CAGE1: variants seen among roughly 807,000 people sequenced by gnomAD.
CAGE1 encodes the protein cancer-associated gene 1 protein.
Under a neutral mutation model 94.9 loss-of-function variants are expected in CAGE1, and 66 were observed. The observed-to-expected ratio is 0.70, with a 90% CI of 0.57 to 0.85. The LOEUF is 0.85. CAGE1 is among the 40% of genes least tolerant of loss of function. The probability of loss-of-function intolerance (pLI) is 0.00; values close to 1 mark genes in which losing one functional copy is unlikely to be tolerated. For synonymous variants in CAGE1, 319 were observed against 321.0 expected, an observed-to-expected ratio of 0.99 and a Z score of 0.07; for missense variants, 865 against 950.4, an observed-to-expected ratio of 0.91 and a Z score of 1.18.
intron 9 of CAGE1, among the ~76,000 whole-genome samples, chr6:7,358,027 G>GATATATATATATATATATAT (rs55850429): frequency 5.6e-4 from 27 of 48,066 alleles, no homozygotes; most frequent in Non-Finnish European, 7.8e-4. Context: ...TAAGTTTTGA[G>GATATATATATATATATATAT]ATATATATAT....
rs1333908374 is a variant in CAGE1, at chr6:7,328,932, ATATT to A, written c.2478+913_2478+916del. ...TGTGTGTGTGTGTATATATATATAT[ATATT>A]TTTTTTTTTTTTTGAGATAGAGTCT... On this transcript the variant is annotated intron_variant, in intron 13 of 13. Transcript: ENST00000502583. Among the ~76,000 whole-genome samples, 646 of 103,582 alleles carry A rather than the reference ATATT, an allele frequency of 6.2e-3. 26 individuals are homozygous for A. Among genetic ancestry groups the A allele is most frequent in the African/African-American group, 0.021 (610 of 28,868 alleles). 68.0% of individuals were successfully genotyped at this position (103,582 alleles called of 152,430 possible). A position where few individuals can be genotyped will look rare whatever the true frequency, so the allele number is the denominator to read the frequency against.
At chr6:7,355,712 T>G (rs1391346622) in intron 10 of CAGE1, among the ~76,000 whole-genome samples, 2 of 152,228 alleles carry the variant, frequency 1.3e-5, no homozygotes, top group Non-Finnish European at 2.9e-5. Flanking sequence ...GTAAGGCAGT[T>G]TGTACCAGGC....
At chr6:7,329,967 T>C in intron 12 of CAGE1, 79 bp from the exon 13 acceptor site, 1 of 641,626 alleles carries the variant, frequency 1.6e-6, no homozygotes, top group Non-Finnish European at 2.9e-6. Context: ...CAAGTTGCCA[T>C]TATTTAGCAT....
chr6:7,337,671 T>C (rs1336010791), intron 11 of CAGE1, among the ~76,000 whole-genome samples: 1 of 152,248 alleles, frequency 6.6e-6, no homozygotes, highest in African/African-American at 2.4e-5. Context: ...CTTGTCCATA[T>C]ATGCATGGGT....
rs34744890 is a variant in CAGE1, at chr6:7,373,201, C to T, written c.1618G>A (p.Val540Ile). Residue 540 changes from valine (V) to isoleucine (I), a missense_variant, in exon 5 of 14, where the codon GTA becomes ATA. By Grantham distance (29) the Val-to-Ile change is conservative. Coordinates refer to ENST00000502583, the MANE Select transcript of CAGE1 (RefSeq NM_001170692.2). ...TTAAGTTTTGCATTCTCATTTTTTACTTCGTTGATTTGCTGCTGAAGTTTT... is the reference window on the plus strand; with the variant it reads ...TTAAGTTTTGCATTCTCATTTTTTATTTCGTTGATTTGCTGCTGAAGTTTT... ...NIKLQQQINE[V>I]KNENAKLKQQ... 1 of 1,613,224 alleles carries T rather than the reference C, an allele frequency of 6.2e-7. No individual in the cohort carries two copies. The highest frequency in any genetic ancestry group is 8.5e-7 in the Non-Finnish European group (1 of 1,179,578).
At chr6:7,382,145 G>A (rs1271342483) in intron 3 of CAGE1, among the ~76,000 whole-genome samples, 2 of 151,416 alleles carry the variant, frequency 1.3e-5, no homozygotes, top group African/African-American at 4.8e-5. Flanking sequence ...GCCATTATGT[G>A]CCTTTTTCTA....
intron 12 of CAGE1, chr6:7,331,605 G>C (rs1758756663): frequency 3.2e-6 from 1 of 310,474 alleles, no homozygotes. Context: ...CTCCAGGTCT[G>C]TATGCAACTC....
Position 7,368,779 on chromosome 6 carries a change from G to A in CAGE1, c.1913C>T (p.Ala638Val). 1 of 1,546,708 alleles carries A rather than the reference G, an allele frequency of 6.5e-7. No homozygotes were observed. The highest frequency in any genetic ancestry group is 1.4e-5 in the African/African-American group (1 of 73,186). The change falls in exon 7 of 14, where the codon GCT (alanine) becomes GTT (valine). Residue 638 changes from alanine to valine, a missense_variant. Transcript: ENST00000502583. ...CTTCTCACTCTCTTTGAAATGTTCAGCATCAGAATTGATGATGTCCTAAGG... is the reference window on the plus strand; with the variant it reads ...CTTCTCACTCTCTTTGAAATGTTCAACATCAGAATTGATGATGTCCTAAGG... ...LTCQDIINSD[A>V]EHFKESEKVS...
At chr6:7,342,517 G>A (rs890349186) in intron 11 of CAGE1, among the ~76,000 whole-genome samples, 1 of 152,122 alleles carries the variant, frequency 6.6e-6, no homozygotes, top group African/African-American at 2.4e-5. Context: ...CATACTCCGG[G>A]TATCTGTAGT....
chr6:7,385,814 G>A lies in CAGE1; in HGVS notation c.254C>T (p.Ala85Val), dbSNP rs1490524019. Residue 85 changes from alanine (A) to valine (V), a missense_variant, in exon 3 of 14, where the codon GCT becomes GTT. Transcript: ENST00000502583. ...TAACAAATTGTCTAGTGTGCCATAA[G>A]CATCTTCACAAAGTGTGGATTCATA... is the stretch of plus-strand genomic sequence containing the variant. ...NEYESTLCED[A>V]YGTLDNLLND... 1.3e-6 allele frequency: 2 copies of A among 1,543,952 alleles called. No homozygotes were observed. Among genetic ancestry groups the A allele is most frequent in the African/African-American group, 1.4e-5 (1 of 72,764 alleles).
At chr6:7,356,172 A>G in intron 9 of CAGE1, 43 bp from the exon 10 acceptor site, 1 of 1,079,226 alleles carries the variant, frequency 9.3e-7, no homozygotes, top group Non-Finnish European at 1.4e-6. Flanking sequence ...GGAACCTGCC[A>G]GGAAAGCTAT....
intron 11 of CAGE1, among the ~76,000 whole-genome samples, chr6:7,334,489 G>A (rs907844403): frequency 1.6e-4 from 24 of 152,134 alleles, no homozygotes; most frequent in Admixed American, 2.6e-4. Context: ...AGCACTTTGG[G>A]AGGCTGAGGC....
At chr6:7,371,102 G>T (rs1242760168) in intron 5 of CAGE1, among the ~76,000 whole-genome samples, 1 of 152,160 alleles carries the variant, frequency 6.6e-6, no homozygotes, top group Non-Finnish European at 1.5e-5. Context: ...CTCAAGTTAA[G>T]GTGGCTTAGG....
In CAGE1 at chr6:7,355,089, A is replaced by G. The variant is rs199925787; in HGVS notation, c.2321T>C (p.Ile774Thr). The G allele has an allele frequency of 3.4e-5, 54 of 1,608,662 alleles. No individual in the cohort carries two copies. Among genetic ancestry groups the G allele is most frequent in the African/African-American group, 9.3e-5 (7 of 74,962 alleles). The change falls in exon 11 of 14, where the codon ATT becomes ACT. Residue 774 changes from isoleucine (I) to threonine (T), a missense_variant. Coordinates refer to ENST00000502583, the MANE Select transcript of CAGE1 (RefSeq NM_001170692.2). Reference sequence around the variant, plus strand: ...TGCAAGCCTTTGGTCAGCACATTCAATGATTTCTTCATATGATGTAACCTT... The same window carrying G: ...TGCAAGCCTTTGGTCAGCACATTCAGTGATTTCTTCATATGATGTAACCTT... ...IKKVTSYEEIIECADQRLAIS... is the reference protein window; with the variant it reads ...IKKVTSYEEITECADQRLAIS...
At chr6:7,360,121 T>TGTAGAGGGAAG (rs1760118184) in intron 9 of CAGE1, among the ~76,000 whole-genome samples, 1 of 152,226 alleles carries the variant, frequency 6.6e-6, no homozygotes, top group Non-Finnish European at 1.5e-5. Context: ...CCCTCTGACA[T>TGTAGAGGGAAG]GTCTGGGAAA....
chr6:7,380,228 C>T (rs1209641541), intron 3 of CAGE1, among the ~76,000 whole-genome samples: 2 of 152,182 alleles, frequency 1.3e-5, no homozygotes, highest in Non-Finnish European at 2.9e-5. Flanking sequence ...TGTCCAGTGT[C>T]ACTGTTTCCC....
intron 9 of CAGE1, among the ~76,000 whole-genome samples, chr6:7,356,470 C>T (rs918366103): frequency 6.6e-6 from 1 of 152,134 alleles, no homozygotes; most frequent in African/African-American, 2.4e-5. Flanking sequence ...ATATTTGACT[C>T]TATATGAAGT....
Position 7,373,832 on chromosome 6 carries a change from A to C in CAGE1, c.987T>G (p.Ser329Arg). 1 of 1,613,962 alleles carries C rather than the reference A, an allele frequency of 6.2e-7. No individual in the cohort carries two copies. Among genetic ancestry groups the C allele is most frequent in the South Asian group, 1.1e-5 (1 of 91,082 alleles). Residue 329 changes from serine (S) to arginine (R), a missense_variant, in exon 5 of 14, where the codon AGT (serine) becomes AGG (arginine). By Grantham distance (110) the Ser-to-Arg change is moderately radical. Coordinates refer to ENST00000502583, the MANE Select transcript of CAGE1 (RefSeq NM_001170692.2). ...TAACCCTCTTCTCTAAATACAGGTT[A>C]CTACACTGGAGTTCTTGGATTCGCA... is the stretch of plus-strand genomic sequence containing the variant. ...QEVRIQELQC[S>R]NLYLEKRVKE...
chr6:7,378,556 G>A, intron 4 of CAGE1, 61 bp downstream of exon 4: 1 of 1,400,054 alleles, frequency 7.1e-7, no homozygotes. Flanking sequence ...ACTCTCAGAT[G>A]AACTAGGTTA....
Sources: gnomAD v4.1 joint callset for allele counts (sites outside exome capture counted in the v4.1 genomes callset) on GRCh38, gnomAD v4.1.1 for gene constraint, MANE v1.5 for transcripts, NCBI Gene and HGNC (gene_info 2026-07-23, HGNC 2026-07-21) for gene names.